Variants in EXPH5 observed in about 807,000 individuals in gnomAD.
The protein encoded by EXPH5 is exophilin-5.
In EXPH5, 42 loss-of-function variants were observed where a neutral mutation model predicts 41.1. The ratio of observed to expected loss-of-function variants is 1.02; its 90% CI spans 0.80 to 1.32. EXPH5 has a LOEUF of 1.32. Ranked by LOEUF, EXPH5 falls within the 40% of genes most tolerant of loss-of-function variation. The pLI is 0.00. For synonymous variants in EXPH5, 798 were observed against 833.5 expected (o/e 0.96, Z 0.73); for missense variants, 2,298 against 2,314.5 (o/e 0.99, Z 0.15).
At position 108,556,431 on chromosome 11, in the gene EXPH5, G is replaced by A. The variant is rs114688887; in HGVS notation, c.120-14619C>T. ...CTACTACAGGAGAAGGTCAGTACCA[G>A]ACAGTGGCATCCCATCAATTTTATT... On this transcript the variant is annotated intron_variant, in intron 1 of 5. Transcript: ENST00000265843. 1.4e-3 allele frequency among the ~76,000 whole-genome samples: 213 copies of A among 152,224 alleles called. 1 individual carries two copies. Among genetic ancestry groups the A allele is most frequent in the African/African-American group, 4.6e-3 (192 of 41,540 alleles).
intron 1 of EXPH5, among the ~76,000 whole-genome samples, chr11:108,580,074 T>G (rs2094093321): frequency 6.6e-6 from 1 of 152,142 alleles, no homozygotes; most frequent in Non-Finnish European, 1.5e-5. Flanking sequence ...ACTCAAAAGC[T>G]TCTTCACATC....
the EXPH5 span, among the ~76,000 whole-genome samples, chr11:108,600,018 C>A: frequency 3.9e-5 from 6 of 152,172 alleles, no homozygotes; most frequent in East Asian, 9.6e-4. Context: ...CAGGAGATTG[C>A]AATCTGGGTA....
At chr11:108,527,415 G>A (rs1409953726) in intron 4 of EXPH5, among the ~76,000 whole-genome samples, 8 of 151,820 alleles carry the variant, frequency 5.3e-5, no homozygotes, top group African/African-American at 9.7e-5. Context: ...GAGAGAGAGA[G>A]AGAAAGAAAA....
chr11:108,601,638 C>T, the EXPH5 span, among the ~76,000 whole-genome samples: 9 of 152,210 alleles, frequency 5.9e-5, no homozygotes, highest in African/African-American at 2.2e-4. Context: ...TGATCATTTC[C>T]CCTATATTGT....
Position 108,510,754 on chromosome 11 carries a change from C to T in EXPH5, c.4753G>A (p.Gly1585Arg). 6.2e-7 allele frequency: 1 copy of T among 1,614,106 alleles called. No individual in the cohort carries two copies. The highest frequency in any genetic ancestry group is 1.7e-5 in the Admixed American group (1 of 60,008). The change falls in exon 6 of 6, where the codon GGG (glycine) becomes AGG (arginine). Residue 1585 changes from glycine to arginine, a missense_variant. Transcript: ENST00000265843. The stretch of plus-strand genomic sequence containing the variant: ...TGTTTAACTGAAGATCTATTTTCCC[C>T]CTTTACTAGGTCATCCAAGTTGGTT... ...NKTNLDDLVKGENRSSVKHRL... is the reference protein window; with the variant it reads ...NKTNLDDLVKRENRSSVKHRL...
In EXPH5 at chr11:108,510,012, C is replaced by A; in HGVS notation, c.5495G>T (p.Arg1832Leu). 1.2e-6 allele frequency: 2 copies of A among 1,613,486 alleles called. No homozygotes were observed. Among genetic ancestry groups the A allele is most frequent in the South Asian group, 2.2e-5 (2 of 90,888 alleles). Residue 1832 changes from arginine (R) to leucine (L), a missense_variant, in exon 6 of 6, where the codon CGA becomes CTA. By Grantham distance (102) the Arg-to-Leu change is moderately radical. Transcript: ENST00000265843. ...ESTSIDNALS[R>L]LTLGNEFSVN... is the part of the protein sequence containing the mutation. ...AGAGAATTCATTCCCAAGGGTCAGT[C>A]GACTCAGGGCATTGTCAATAGAAGT... is the stretch of plus-strand genomic sequence containing the variant.
the EXPH5 span, among the ~76,000 whole-genome samples, chr11:108,606,778 A>G: frequency 6.6e-6 from 1 of 152,078 alleles, no homozygotes; most frequent in Non-Finnish European, 1.5e-5. Context: ...CTTTTTGTTT[A>G]TATACCTTTT....
Position 108,511,222 on chromosome 11 carries a change from C to A in EXPH5, c.4285G>T (p.Ala1429Ser), listed in dbSNP as rs776086890. 6.2e-6 allele frequency: 10 copies of A among 1,613,256 alleles called. No individual in the cohort carries two copies. In the Admixed American group the frequency reaches 1.7e-4, roughly 27 times the overall value. ...TTTCCAATATTAACTTCTGAAAGAG[C>A]TGGAAGACTAGAGGGACCACTGTTA... ...SSNSGPSSLP[A>S]LSEVNIGNSQ... The change falls in exon 6 of 6, where the codon GCT (alanine) becomes TCT (serine). Residue 1429 changes from alanine (A) to serine (S), a missense_variant. By Grantham distance (99) the Ala-to-Ser change is moderately conservative. Transcript: ENST00000265843.
At chr11:108,565,798 C>G (rs1257688907) in intron 1 of EXPH5, among the ~76,000 whole-genome samples, 1 of 152,204 alleles carries the variant, frequency 6.6e-6, no homozygotes, top group Non-Finnish European at 1.5e-5. Context: ...GACTTCTTTC[C>G]TATGACTCCG....
chr11:108,509,240 A>G lies in EXPH5; in HGVS notation c.*297T>C. On this transcript the variant is annotated 3_prime_UTR_variant, in exon 6 of 6. Transcript: ENST00000265843. ...ATGAAAAATGTTAGGAGGGAAGTAA[A>G]GCAGAAAGCCCAAATCAGACAGTGA... The G allele has an allele frequency of 4.0e-6, 1 of 251,894 alleles. No individual in the cohort carries two copies. 15.6% of individuals were successfully genotyped at this position (251,894 alleles called of 1,614,324 possible). A position where few individuals can be genotyped will look rare whatever the true frequency, so the allele number is the denominator to read the frequency against.
intron 1 of EXPH5, chr11:108,552,194 A>G (rs1383565989): frequency 6.6e-6 from 1 of 152,060 alleles, no homozygotes; most frequent in African/African-American, 2.4e-5. Flanking sequence ...TGGCTGCACC[A>G]GTAGCTTTAT....
At chr11:108,568,520 C>T (rs2094045429) in intron 1 of EXPH5, among the ~76,000 whole-genome samples, 1 of 152,148 alleles carries the variant, frequency 6.6e-6, no homozygotes, top group African/African-American at 2.4e-5. Context: ...CCCCCCAACC[C>T]CCAGTCTTGG....
intron 4 of EXPH5, among the ~76,000 whole-genome samples, chr11:108,521,189 T>G (rs1186701300): frequency 2.6e-5 from 4 of 152,180 alleles, no homozygotes; most frequent in Non-Finnish European, 5.9e-5. Flanking sequence ...ACCACTATGT[T>G]TTGTCTCATC....
intron 3 of EXPH5, among the ~76,000 whole-genome samples, chr11:108,533,005 C>G (rs889814206): frequency 6.6e-6 from 1 of 152,220 alleles, no homozygotes; most frequent in South Asian, 2.1e-4. Context: ...TCCCGCAGTG[C>G]TGCACATGGT....
chr11:108,542,334 CT>C (rs11336102), intron 1 of EXPH5, among the ~76,000 whole-genome samples: 57,218 of 147,386 alleles, frequency 0.39, 13,188 homozygotes, highest in African/African-American at 0.67. Flanking sequence ...TAGGTGTATT[CT>C]TTTTTTTTTT....
In EXPH5 at chr11:108,512,787, G is replaced by A; in HGVS notation, c.2720C>T (p.Ser907Phe). 1 of 1,614,048 alleles carries A rather than the reference G, an allele frequency of 6.2e-7. No individual in the cohort carries two copies. The highest frequency in any genetic ancestry group is 8.5e-7 in the Non-Finnish European group (1 of 1,179,990). Reference protein sequence around the residue: ...APVVPSTTVFSRRSPSDKDPS... With the variant: ...APVVPSTTVFFRRSPSDKDPS... ...ATCTTTGTCTGAAGGACTTCTCCTG[G>A]AGAACACTGTAGTAGATGGAACCAC... The change falls in exon 6 of 6, where the codon TCC becomes TTC. Residue 907 changes from serine (S) to phenylalanine (F), a missense_variant. Ser to Phe is a radical substitution (Grantham distance 155). Coordinates refer to ENST00000265843, the MANE Select transcript of EXPH5 (RefSeq NM_015065.3).
At chr11:108,570,711 T>C (rs1183692246) in intron 1 of EXPH5, among the ~76,000 whole-genome samples, 1 of 152,184 alleles carries the variant, frequency 6.6e-6, no homozygotes, top group Admixed American at 6.5e-5. Flanking sequence ...GTCCGGCTAA[T>C]TTTTAAATTA....
chr11:108,569,581 C>T lies in EXPH5; in HGVS notation c.119+23837G>A, dbSNP rs988498456. 5.3e-5 allele frequency among the ~76,000 whole-genome samples: 8 copies of T among 152,210 alleles called. No individual in the cohort carries two copies. The South Asian group carries it at 6.2e-4, about 12-fold the overall frequency. Reference sequence around the variant, plus strand: ...GTCTCGAACTCCTCACCTCGTGATCCGCCCTCTTCAGCCTCCAAAAATGCT... The same window carrying T: ...GTCTCGAACTCCTCACCTCGTGATCTGCCCTCTTCAGCCTCCAAAAATGCT... On this transcript the variant is annotated intron_variant, in intron 1 of 5. Coordinates refer to ENST00000265843, the MANE Select transcript of EXPH5 (RefSeq NM_015065.3).
At chr11:108,594,513 CT>C (rs1190809343), upstream of EXPH5, among the ~76,000 whole-genome samples, 1 of 152,106 alleles carries the variant, frequency 6.6e-6, no homozygotes, top group Non-Finnish European at 1.5e-5. Context: ...ACAGAAATAG[CT>C]TTCCTAGAAA....
Sources: gnomAD v4.1 joint callset for allele counts (sites outside exome capture counted in the v4.1 genomes callset) on GRCh38, gnomAD v4.1.1 for gene constraint, MANE v1.5 for transcripts, NCBI Gene and HGNC (gene_info 2026-07-23, HGNC 2026-07-21) for gene names.